MYO6: variants seen among roughly 807,000 people sequenced by gnomAD.
MYO6 encodes unconventional myosin-VI.
A neutral mutation model predicts 178.7 loss-of-function variants in MYO6; 74 were observed. The ratio of observed to expected loss-of-function variants is 0.41; its 90% CI spans 0.34 to 0.50. The LOEUF is 0.50. Ranked by LOEUF, MYO6 falls within the 20% of genes least tolerant of loss-of-function variation. The pLI, the probability that MYO6 is intolerant of heterozygous loss-of-function variation, is 0.09. For missense variants in MYO6, 1,330 were observed against 1,547.4 expected (o/e 0.86, Z 2.36); for synonymous variants, 477 against 504.6 (o/e 0.95, Z 0.73).
rs1781100764 is a variant in MYO6 at position 75,916,052 on chromosome 6, CTG to C, written c.*1041_*1042del. Reference sequence around the variant, plus strand: ...TTTAGTAAGTGCTTGTTTTACATAACTGATAATTTTAAAATGTTTTCTTTGTG... The same window carrying C: ...TTTAGTAAGTGCTTGTTTTACATAACATAATTTTAAAATGTTTTCTTTGTG... On this transcript the variant is annotated 3_prime_UTR_variant, in exon 35 of 35. Coordinates refer to ENST00000369977, the MANE Select transcript of MYO6 (RefSeq NM_004999.4). 1 of 152,420 alleles carries C rather than the reference CTG, an allele frequency of 6.6e-6. No homozygotes were observed. The allele number at this position is 152,420 out of a possible 1,614,324, so 9.4% of individuals were successfully genotyped here. A position where few individuals can be genotyped will look rare whatever the true frequency, so the allele number is the denominator to read the frequency against.
intron 31 of MYO6, 73 bp downstream of exon 31, chr6:75,907,781 GGTGTGTGTGTGTATGT>G (rs1010756239): frequency 2.9e-6 from 3 of 1,035,530 alleles, no homozygotes; most frequent in Admixed American, 3.6e-5. Context: ...ATTAGGGTGA[GGTGTGTGTGTGTATGT>G]GTGTGTGTGT....
chr6:75,908,949 G>C (rs533915131), intron 32 of MYO6, among the ~76,000 whole-genome samples: 4 of 152,214 alleles, frequency 2.6e-5, no homozygotes, highest in African/African-American at 9.6e-5. Context: ...GAAAATGTCA[G>C]GATTGCCATG....
At chr6:75,841,839 AG>A (rs1466757322) in intron 9 of MYO6, among the ~76,000 whole-genome samples, 1 of 152,208 alleles carries the variant, frequency 6.6e-6, no homozygotes, top group Non-Finnish European at 1.5e-5. Context: ...CACTGTACTG[AG>A]AAGATCTCTA....
At chr6:75,832,533 C>G (rs1352727055) in intron 5 of MYO6, among the ~76,000 whole-genome samples, 1 of 152,060 alleles carries the variant, frequency 6.6e-6, no homozygotes, top group Admixed American at 6.5e-5. Context: ...TTTAATCCCT[C>G]TGCAGATCAG....
chr6:75,759,237 T>C (rs1458398466), intron 1 of MYO6, among the ~76,000 whole-genome samples: 1 of 152,198 alleles, frequency 6.6e-6, no homozygotes, highest in African/African-American at 2.4e-5. Context: ...CTTTAGATAA[T>C]GTGCTGTTGA....
In MYO6 at chr6:75,886,889, T is replaced by A; in HGVS notation, c.2553T>A (p.Asp851Glu). Residue 851 changes from aspartate (D) to glutamate (E), a missense_variant, in exon 25 of 35, where the codon GAT becomes GAA. Physicochemically the swap from Asp to Glu is conservative, Grantham distance 45. Around this residue, in one of 3 missense-constraint regions of MYO6, gnomAD observed 601 missense variants for 626.1 expected, o/e 0.96. Transcript: ENST00000369977. ...VKVGTLKKRLDKFNEVVSVLK... is the reference protein window; with the variant it reads ...VKVGTLKKRLEKFNEVVSVLK... ...TGGGCACACTGAAAAAACGACTTGA[T>A]AAATTTAATGAGGTAGTCAGTGTGT... 6.2e-7 allele frequency: 1 copy of A among 1,613,848 alleles called. No homozygotes were observed. Among genetic ancestry groups the A allele is most frequent in the Non-Finnish European group, 8.5e-7 (1 of 1,179,872 alleles).
At chr6:75,802,849 T>A (rs1439648326) in intron 1 of MYO6, among the ~76,000 whole-genome samples, 1 of 152,128 alleles carries the variant, frequency 6.6e-6, no homozygotes, top group Non-Finnish European at 1.5e-5. Flanking sequence ...TATCATTGGA[T>A]AATAAACAAG....
intron 1 of MYO6, among the ~76,000 whole-genome samples, chr6:75,757,901 T>G (rs1475226291): frequency 6.6e-6 from 1 of 151,850 alleles, no homozygotes; most frequent in African/African-American, 2.4e-5. Flanking sequence ...TTTGTCATGT[T>G]TAATGTGGAA....
At chr6:75,877,278 T>C (rs1777641252) in intron 20 of MYO6, among the ~76,000 whole-genome samples, 1 of 151,784 alleles carries the variant, frequency 6.6e-6, no homozygotes, top group Non-Finnish European at 1.5e-5. Flanking sequence ...TCGTCTTTTT[T>C]TTTTTTGAGA....
chr6:75,871,933 C>G (rs1010602598), intron 19 of MYO6, among the ~76,000 whole-genome samples: 1 of 151,954 alleles, frequency 6.6e-6, no homozygotes, highest in Admixed American at 6.6e-5. Flanking sequence ...TTGAGACCAG[C>G]CTGCCCAATA....
chr6:75,787,708 CTCTCTCTCTCTCTCTCTCTCTCTATATA>C (rs1429918082), intron 1 of MYO6, among the ~76,000 whole-genome samples: 6 of 72,000 alleles, frequency 8.3e-5, no homozygotes, highest in East Asian at 8.3e-4. Context: ...CTCTCTCTCT[CTCTCTCTCTCTCTCTCTCTCTCTATATA>C]TATATATATA....
intron 3 of MYO6, among the ~76,000 whole-genome samples, chr6:75,823,164 T>G (rs999446574): frequency 1.3e-5 from 2 of 152,176 alleles, no homozygotes; most frequent in African/African-American, 4.8e-5. Flanking sequence ...TTATTTAGAG[T>G]CAGGTGGTTT....
At chr6:75,861,300 C>CTCTTCTATTTA (rs1460558365) in intron 15 of MYO6, among the ~76,000 whole-genome samples, 6 of 152,060 alleles carry the variant, frequency 3.9e-5, no homozygotes, top group Non-Finnish European at 8.8e-5. Flanking sequence ...TTTCTATAAT[C>CTCTTCTATTTA]TCTTCTATTT....
chr6:75,784,645 C>T lies in MYO6; in HGVS notation c.-47-32856C>T, dbSNP rs9443188. Among the ~76,000 whole-genome samples, 548 of 151,742 alleles carry T rather than the reference C, an allele frequency of 3.6e-3. 4 individuals are homozygous for T. The highest frequency in any genetic ancestry group is 0.012 in the African/African-American group (508 of 41,358). On this transcript the variant is annotated intron_variant, in intron 1 of 34. Coordinates refer to ENST00000369977, the MANE Select transcript of MYO6 (RefSeq NM_004999.4). The stretch of plus-strand genomic sequence containing the variant: ...AAACAAAATTAGCTGGGTGTGGTGG[C>T]GGGCGCCTGTAGTCCCAGTTACTTG...
intron 1 of MYO6, among the ~76,000 whole-genome samples, chr6:75,754,122 A>G (rs1174564132): frequency 1.3e-5 from 2 of 152,238 alleles, no homozygotes; most frequent in Admixed American, 6.5e-5. Flanking sequence ...CCTTCAGTGT[A>G]TATTCACATG....
intron 4 of MYO6, among the ~76,000 whole-genome samples, 169 bp downstream of exon 4, chr6:75,828,782 C>T (rs927554050): frequency 2.0e-5 from 3 of 152,046 alleles, no homozygotes; most frequent in African/African-American, 7.2e-5. Flanking sequence ...ATTTACAACT[C>T]GAACTCTAGG....
chr6:75,909,482 A>G (rs1562316548), intron 32 of MYO6, among the ~76,000 whole-genome samples: 1 of 152,136 alleles, frequency 6.6e-6, no homozygotes, highest in Non-Finnish European at 1.5e-5. Flanking sequence ...TCAAGATTTG[A>G]TTTTTTGATT....
At chr6:75,859,311 T>C (rs1051251256) in intron 14 of MYO6, among the ~76,000 whole-genome samples, 1 of 152,092 alleles carries the variant, frequency 6.6e-6, no homozygotes, top group African/African-American at 2.4e-5. Flanking sequence ...ACTTCTTTTT[T>C]TTTTTTGAGA....
intron 1 of MYO6, among the ~76,000 whole-genome samples, chr6:75,782,756 A>G (rs1007531009): frequency 6.6e-6 from 1 of 151,900 alleles, no homozygotes; most frequent in African/African-American, 2.4e-5. Context: ...TGCTGTGCAT[A>G]CTATCTCTTA....
Sources: allele counts gnomAD v4.1 joint callset (sites outside exome capture counted in the v4.1 genomes callset), GRCh38; gene constraint gnomAD v4.1.1; regional missense constraint gnomAD v4.1.1; transcripts MANE v1.5; gene names NCBI Gene and HGNC (gene_info 2026-07-23, HGNC 2026-07-21).